Variants in MAX observed in about 807,000 individuals in gnomAD.
MAX encodes the protein MYC associated transcriptional regulator X, also known as protein max.
In MAX, 3 loss-of-function variants were observed where a neutral mutation model predicts 22.3. The observed-to-expected ratio is 0.13, with a 90% CI of 0.06 to 0.35. The LOEUF is 0.35. MAX is among the 10% of genes least tolerant of loss of function. The pLI is 1.00. For missense variants in MAX, 119 were observed against 209.4 expected, an observed-to-expected ratio of 0.57 and a Z score of 2.66; for synonymous variants, 72 against 77.7, an observed-to-expected ratio of 0.93 and a Z score of 0.39.
At chr14:65,040,080 C>T (rs2062310493) in intron 3 of MAX, among the ~76,000 whole-genome samples, 1 of 152,060 alleles carries the variant, frequency 6.6e-6, no homozygotes, top group Non-Finnish European at 1.5e-5. Flanking sequence ...GTCCCAGCTA[C>T]TCAGGAGGCT....
chr14:65,093,354 G>T lies in MAX; in HGVS notation c.171+354C>A, dbSNP rs1453388238. 2 of 306,390 alleles carry T rather than the reference G, an allele frequency of 6.5e-6. No individual in the cohort carries two copies. Among genetic ancestry groups the T allele is most frequent in the East Asian group, 1.6e-4 (2 of 12,696 alleles). The allele number at this position is 306,390 out of a possible 1,614,324, so 19.0% of individuals were successfully genotyped here. A position where few individuals can be genotyped will look rare whatever the true frequency, so the allele number is the denominator to read the frequency against. ...GGAAAGGAATTCTCATGGAGGTCTAGGGTATTAATGACCTCTGGAATCTTT... is the reference window on the plus strand; with the variant it reads ...GGAAAGGAATTCTCATGGAGGTCTATGGTATTAATGACCTCTGGAATCTTT... On this transcript the variant is annotated intron_variant, in intron 3 of 4. Coordinates refer to ENST00000358664, the MANE Select transcript of MAX (RefSeq NM_002382.5). The surrounding 1 kb of genome is among the most constrained non-coding windows in gnomAD (Gnocchi z 4.4).
intron 3 of MAX, among the ~76,000 whole-genome samples, chr14:65,046,576 C>CT (rs982502746): frequency 3.3e-5 from 5 of 152,134 alleles, no homozygotes; most frequent in Non-Finnish European, 7.3e-5. Flanking sequence ...GTGCTTCCAG[C>CT]TTTTTTCATT....
rs867356778 is a variant in MAX, at chr14:65,063,616, G to A, written c.171+30092C>T. Among the ~76,000 whole-genome samples, 4 of 152,330 alleles carry A rather than the reference G, an allele frequency of 2.6e-5. 1 individual carries two copies. In the Middle Eastern group the frequency reaches 0.01, roughly 389 times the overall value. The stretch of plus-strand genomic sequence containing the variant: ...CTTGCTCAAATGCACCCAGGCTGGA[G>A]TGCAGTGGCACAATCATGGCTCACT... On this transcript the variant is annotated intron_variant, in intron 3 of 3. Transcript: ENST00000341653.
chr14:65,085,067 C>G (rs2063295631), intron 3 of MAX, among the ~76,000 whole-genome samples: 1 of 148,534 alleles, frequency 6.7e-6, no homozygotes, highest in Non-Finnish European at 1.5e-5. Context: ...TGTGAGTACT[C>G]TGAATTGAGA....
At chr14:65,068,593 C>T (rs554586158) in intron 3 of MAX, among the ~76,000 whole-genome samples, 1 of 152,090 alleles carries the variant, frequency 6.6e-6, no homozygotes, top group South Asian at 2.1e-4. Context: ...TATTATGTTC[C>T]AATGCTACAT....
At chr14:65,053,198 G>A in intron 3 of MAX, 1 of 1,322,272 alleles carries the variant, frequency 7.6e-7, no homozygotes, top group Non-Finnish European at 9.8e-7. Context: ...ATACTTGGCT[G>A]GATCTGCCGG....
intron 3 of MAX, chr14:65,041,004 T>C (rs2062340367): frequency 1.3e-6 from 2 of 1,557,880 alleles, no homozygotes; most frequent in Middle Eastern, 1.7e-4. Context: ...TCAGGAGAGT[T>C]TGGCTATGGG....
In MAX at chr14:65,060,652, C is replaced by T. The variant is rs1342757964; in HGVS notation, c.171+33056G>A. Among the ~76,000 whole-genome samples, 63 of 118,810 alleles carry T rather than the reference C, an allele frequency of 5.3e-4. 17 individuals carry two copies. Among genetic ancestry groups the T allele is most frequent in the African/African-American group, 2.7e-3 (52 of 19,556 alleles). 77.9% of individuals were successfully genotyped at this position (118,810 alleles called of 152,430 possible). ...CGGAGCTTGCAGTGAGCCGAGATCC[C>T]GCCACTGCACTCCAGCCTGGGCGAC... On this transcript the variant is annotated intron_variant, in intron 3 of 3. Transcript: ENST00000341653.
rs1344442565 is a variant in MAX at position 65,054,979 on chromosome 14, A to AG, written c.171+38728dup. The stretch of plus-strand genomic sequence containing the variant: ...TGCTGGTATTAGCTTCCCCTAGAGG[A>AG]GGCCACAGTTACGTGTCACTCTGAG... On this transcript the variant is annotated intron_variant, in intron 3 of 3. Transcript: ENST00000341653. The surrounding 1 kb of genome is among the most constrained non-coding windows in gnomAD (Gnocchi z 4.4). Among the ~76,000 whole-genome samples the AG allele has an allele frequency of 1.3e-5, 2 of 152,182 alleles. No homozygotes were observed. The highest frequency in any genetic ancestry group is 4.8e-5 in the African/African-American group (2 of 41,446).
In MAX at chr14:65,009,074, A is replaced by G. The variant is rs555601595; in HGVS notation, c.172-2790T>C. Among the ~76,000 whole-genome samples the G allele has an allele frequency of 1.3e-5, 2 of 152,322 alleles. No homozygotes were observed. Among genetic ancestry groups the G allele is most frequent in the East Asian group, 3.9e-4 (2 of 5,188 alleles). On this transcript the variant is annotated intron_variant, in intron 3 of 3. Transcript: ENST00000341653. The surrounding 1 kb of genome is among the most constrained non-coding windows in gnomAD (Gnocchi z 4.2). ...GTTTTGGGGCTGAATTGTTCAGGTA[A>G]AAATAGGAAGAGCTCTACCTTTTCT...
At chr14:65,074,342 T>C (rs751157450), downstream of MAX, among the ~76,000 whole-genome samples, 19 of 152,212 alleles carry the variant, frequency 1.2e-4, no homozygotes, top group East Asian at 9.6e-4. Flanking sequence ...TTTTCCTTAA[T>C]GTAATCATGG....
chr14:65,077,487 G>GAGAACA lies in MAX; in HGVS notation c.295+425_295+426insTGTTCT. ...GAGAACAGCATGGGCCTAGCCCATA[G>GAGAACA]GCTGCCCTGATTGGACTACCATTGA... On this transcript the variant is annotated intron_variant, in intron 4 of 4. Coordinates refer to ENST00000358664, the MANE Select transcript of MAX (RefSeq NM_002382.5). The surrounding 1 kb of genome is among the most constrained non-coding windows in gnomAD (Gnocchi z 6.3). 1 of 1,171,554 alleles carries GAGAACA rather than the reference G, an allele frequency of 8.5e-7. No homozygotes were observed. Among genetic ancestry groups the GAGAACA allele is most frequent in the South Asian group, 1.2e-5 (1 of 82,316 alleles). The allele number at this position is 1,171,554 out of a possible 1,614,324, so 72.6% of individuals were successfully genotyped here. A position where few individuals can be genotyped will look rare whatever the true frequency, so the allele number is the denominator to read the frequency against.
intron 3 of MAX, chr14:65,040,664 C>G: frequency 1.8e-6 from 1 of 567,742 alleles, no homozygotes; most frequent in Non-Finnish European, 2.3e-6. Flanking sequence ...GGCATCTTTT[C>G]ATTCATAGTT....
chr14:65,065,980 A>T (rs564990789), intron 3 of MAX, among the ~76,000 whole-genome samples: 66 of 152,288 alleles, frequency 4.3e-4, no homozygotes, highest in African/African-American at 1.5e-3. Flanking sequence ...CCGAGCCCGT[A>T]TCTGCTGCCT....
chr14:65,068,639 C>T (rs1376136285), intron 3 of MAX, among the ~76,000 whole-genome samples: 2 of 151,966 alleles, frequency 1.3e-5, no homozygotes, highest in African/African-American at 2.4e-5. Flanking sequence ...GCAGTTTTGG[C>T]CTTTGGGAGC....
chr14:65,075,086 C>T (rs2063025108), downstream of MAX: 1 of 1,012,480 alleles, frequency 9.9e-7, no homozygotes, highest in Non-Finnish European at 1.2e-6. The surrounding 1 kb of genome is among the most constrained non-coding windows in gnomAD (Gnocchi z 4.1). Context: ...TCTCATCAAC[C>T]ACCTTGGCCT....
Position 65,032,712 on chromosome 14 carries a change from G to T in MAX, c.172-26428C>A, listed in dbSNP as rs1368767043. 6.2e-7 allele frequency: 1 copy of T among 1,611,996 alleles called. No homozygotes were observed. Among genetic ancestry groups the T allele is most frequent in the Non-Finnish European group, 8.5e-7 (1 of 1,179,476 alleles). ...GGATAGCAAGGTGAGAGAAGCCAGG[G>T]TTTCTCCTGGCCTCTTGGAGAGCAG... On this transcript the variant is annotated intron_variant, in intron 3 of 3. Coordinates refer to the MAX transcript ENST00000341653. This position sits in a 1 kb window ranked among gnomAD's most constrained non-coding sequence, Gnocchi z 5.0.
chr14:65,071,990 C>CT (rs1183733748), downstream of MAX, among the ~76,000 whole-genome samples: 1 of 152,238 alleles, frequency 6.6e-6, no homozygotes, highest in East Asian at 1.9e-4. The surrounding 1 kb of genome is among the most constrained non-coding windows in gnomAD (Gnocchi z 4.2). Flanking sequence ...AGCCGCTGCC[C>CT]TAGTAAACCC....
chr14:65,081,022 T>C (rs146808806), intron 3 of MAX, among the ~76,000 whole-genome samples: 70 of 152,340 alleles, frequency 4.6e-4, no homozygotes, highest in Middle Eastern at 3.4e-3. Flanking sequence ...GGGTAATTTT[T>C]GGATGAAGAT....
Sources: allele counts gnomAD v4.1 joint callset (sites outside exome capture counted in the v4.1 genomes callset), GRCh38; gene constraint gnomAD v4.1.1; non-coding constraint Gnocchi (gnomAD v3.1); transcripts MANE v1.5; gene names NCBI Gene and HGNC (gene_info 2026-07-23, HGNC 2026-07-21).